The following RALYL variants were observed in gnomAD, a reference collection of about 807,000 sequenced individuals.
RALYL encodes RALY RNA binding protein like, also known as RNA-binding Raly-like protein.
In RALYL, 29 loss-of-function variants were observed where a neutral mutation model predicts 35.1. The observed-to-expected ratio is 0.83, with a 90% CI of 0.61 to 1.13. The LOEUF is 1.13. RALYL is among the 50% of genes most tolerant of loss of function. The pLI is 0.00. For synonymous variants in RALYL, 120 were observed against 127.6 expected (o/e 0.94, Z 0.40); for missense variants, 359 against 360.4 (o/e 1.00, Z 0.03).
At position 84,490,982 on chromosome 8, in the gene RALYL, G is replaced by T. The variant is rs532238447; in HGVS notation, c.-23-38317G>T. On this transcript the variant is annotated intron_variant, in intron 1 of 8. Coordinates refer to ENST00000521268, the MANE Select transcript of RALYL (RefSeq NM_173848.7). ...ATTTTTGTGGTATTTTTTAAGCAGA[G>T]TTGAAGACCCCTATGAAGAAAGTAT... Among the ~76,000 whole-genome samples, 87 of 151,946 alleles carry T rather than the reference G, an allele frequency of 5.7e-4. 1 individual carries two copies. In the Middle Eastern group the frequency reaches 0.014, roughly 24 times the overall value.
chr8:84,558,168 TG>T (rs1191922344), intron 2 of RALYL, among the ~76,000 whole-genome samples: 10 of 152,160 alleles, frequency 6.6e-5, no homozygotes, highest in African/African-American at 2.2e-4. Flanking sequence ...AAGTCAACAC[TG>T]GGGTTAGCAA....
At chr8:84,721,905 C>T (rs1160522957) in intron 2 of RALYL, among the ~76,000 whole-genome samples, 1 of 152,096 alleles carries the variant, frequency 6.6e-6, no homozygotes, top group Non-Finnish European at 1.5e-5. Flanking sequence ...ATTACTGCTA[C>T]TCAGTAATGG....
intron 8 of RALYL, among the ~76,000 whole-genome samples, chr8:84,907,737 C>T (rs1186411988): frequency 3.3e-5 from 5 of 152,004 alleles, no homozygotes; most frequent in Admixed American, 6.6e-5. Flanking sequence ...TATTAAATTA[C>T]CTCATTATTT....
intron 1 of RALYL, among the ~76,000 whole-genome samples, chr8:84,202,377 T>C (rs1817061060): frequency 6.8e-6 from 1 of 147,716 alleles, no homozygotes; most frequent in African/African-American, 2.5e-5. Context: ...ATTTTTTTTT[T>C]TTTTTTTTTT....
chr8:84,446,967 G>A (rs1453231681), intron 1 of RALYL, among the ~76,000 whole-genome samples: 1 of 152,060 alleles, frequency 6.6e-6, no homozygotes, highest in East Asian at 1.9e-4. Flanking sequence ...ACGCTACCGA[G>A]CATTTTGCCA....
intron 4 of RALYL, among the ~76,000 whole-genome samples, chr8:84,832,771 C>A: frequency 6.6e-6 from 1 of 151,872 alleles, no homozygotes; most frequent in African/African-American, 2.4e-5. Flanking sequence ...AAAAAGAATC[C>A]CCAACAAATA....
intron 2 of RALYL, among the ~76,000 whole-genome samples, chr8:84,722,645 A>ATG (rs1554546410): frequency 5.8e-5 from 8 of 138,782 alleles, no homozygotes; most frequent in East Asian, 2.0e-4. Context: ...ATATATATAT[A>ATG]TATGTATGTA....
At chr8:84,666,445 C>T (rs1832065174) in intron 2 of RALYL, among the ~76,000 whole-genome samples, 2 of 151,970 alleles carry the variant, frequency 1.3e-5, no homozygotes, top group African/African-American at 4.8e-5. Flanking sequence ...TAACAAAGAA[C>T]TCTGTACTTA....
chr8:84,895,638 G>A (rs768455390), intron 8 of RALYL, among the ~76,000 whole-genome samples: 20 of 151,938 alleles, frequency 1.3e-4, no homozygotes, highest in African/African-American at 7.3e-5. Flanking sequence ...TCAGCCTCCC[G>A]AGTAGCTGGG....
chr8:84,341,522 T>C lies in RALYL; in HGVS notation c.-24+157098T>C, dbSNP rs529943567. Among the ~76,000 whole-genome samples, 17 of 152,024 alleles carry C rather than the reference T, an allele frequency of 1.1e-4. No individual in the cohort carries two copies. In the East Asian group the frequency reaches 3.3e-3, roughly 29 times the overall value. On this transcript the variant is annotated intron_variant, in intron 1 of 8. Transcript: ENST00000521268. ...TCTTAAAATGATTATTTTTCTATAA[T>C]GTATCGGTATCGCATTTATATATCT...
Position 84,774,640 on chromosome 8 carries a change from T to C in RALYL, c.318T>C (p.Leu106=), listed in dbSNP as rs768817709. The change falls in exon 3 of 9, where the codon CTT becomes CTC. Residue 106 remains leucine (L), a synonymous_variant. Transcript: ENST00000521268. ...CAAAACCTGGAAACAAGAGGCCCCTTTCTGCACTTTACAGGTAAGTAGATA... is the reference window on the plus strand; with the variant it reads ...CAAAACCTGGAAACAAGAGGCCCCTCTCTGCACTTTACAGGTAAGTAGATA... ...YRPKPGNKRP[L]SALYRLESKE... 5.0e-6 allele frequency: 8 copies of C among 1,607,880 alleles called. No individual in the cohort carries two copies. The African/African-American group carries it at 9.4e-5, about 19-fold the overall frequency.
intron 2 of RALYL, among the ~76,000 whole-genome samples, chr8:84,585,454 T>A (rs1005339066): frequency 2.6e-5 from 4 of 152,188 alleles, no homozygotes; most frequent in African/African-American, 9.6e-5. Context: ...GGGAATCAGA[T>A]AACTAGATCT....
chr8:84,486,317 GC>G (rs1353290632), intron 1 of RALYL, among the ~76,000 whole-genome samples: 1 of 149,794 alleles, frequency 6.7e-6, no homozygotes, highest in Admixed American at 6.7e-5. Flanking sequence ...TCTTAGAAAA[GC>G]AAATAGTTAA....
rs577781249 is a variant in RALYL at position 84,504,730 on chromosome 8, T to C, written c.-23-24569T>C. ...GTTGTACATAATGTATGTGATATGA[T>C]GCTCCAGGGTTTTAGACACTTTATG... On this transcript the variant is annotated intron_variant, in intron 1 of 8. Transcript: ENST00000521268. Among the ~76,000 whole-genome samples the C allele has an allele frequency of 5.9e-5, 9 of 152,276 alleles. No homozygotes were observed. The South Asian group carries it at 1.9e-3, about 32-fold the overall frequency.
chr8:84,353,806 A>G (rs1443354456), intron 1 of RALYL, among the ~76,000 whole-genome samples: 1 of 150,320 alleles, frequency 6.7e-6, no homozygotes, highest in African/African-American at 2.5e-5. Context: ...TTACTTATAA[A>G]GTCCTCTAAA....
chr8:84,802,596 C>CA (rs890396515), intron 3 of RALYL, among the ~76,000 whole-genome samples: 180 of 148,246 alleles, frequency 1.2e-3, no homozygotes, highest in Non-Finnish European at 5.2e-4. Context: ...CTGAAACCTT[C>CA]AAAAAAAAAG....
chr8:84,675,977 TG>T (rs1834114099), intron 2 of RALYL, among the ~76,000 whole-genome samples: 1 of 152,164 alleles, frequency 6.6e-6, no homozygotes, highest in African/African-American at 2.4e-5. Flanking sequence ...GCAAGGCAAT[TG>T]ATGTGTTAAT....
chr8:84,580,187 A>G (rs1352966242), intron 2 of RALYL, among the ~76,000 whole-genome samples: 1 of 152,204 alleles, frequency 6.6e-6, no homozygotes, highest in Non-Finnish European at 1.5e-5. Flanking sequence ...TTTATTCATT[A>G]TGTGCATGGA....
chr8:84,671,907 C>G (rs1458447708), intron 2 of RALYL, among the ~76,000 whole-genome samples: 1 of 152,176 alleles, frequency 6.6e-6, no homozygotes, highest in Non-Finnish European at 1.5e-5. Flanking sequence ...TGATTTTCTC[C>G]TCAGAAAATC....
Sources: gnomAD v4.1 joint callset for allele counts (sites outside exome capture counted in the v4.1 genomes callset) on GRCh38, gnomAD v4.1.1 for gene constraint, MANE v1.5 for transcripts, NCBI Gene and HGNC (gene_info 2026-07-23, HGNC 2026-07-21) for gene names.